ANKRD44: variants seen among roughly 807,000 people sequenced by gnomAD.
The protein encoded by ANKRD44 is ankyrin repeat domain 44, also known as serine/threonine-protein phosphatase 6 regulatory ankyrin repeat subunit B.
A neutral mutation model predicts 116.0 loss-of-function variants in ANKRD44; 35 were observed. The observed-to-expected ratio is 0.30, with a 90% CI of 0.23 to 0.40. The LOEUF is 0.40. Ranked by LOEUF, ANKRD44 falls within the 10% of genes least tolerant of loss-of-function variation. The pLI is 1.00. For missense variants in ANKRD44, 1,014 were observed against 1,242.6 expected, an observed-to-expected ratio of 0.82 and a Z score of 2.77; for synonymous variants, 435 against 461.8, an observed-to-expected ratio of 0.94 and a Z score of 0.74.
chr2:196,979,498 G>C (rs1414416827), intron 21 of ANKRD44, among the ~76,000 whole-genome samples: 4 of 146,864 alleles, frequency 2.7e-5, no homozygotes, highest in Non-Finnish European at 6.0e-5. Flanking sequence ...GTGAGCATCA[G>C]CTATTTTTAC....
At chr2:197,205,441 A>G (rs2081184137) in intron 1 of ANKRD44, among the ~76,000 whole-genome samples, 1 of 152,096 alleles carries the variant, frequency 6.6e-6, no homozygotes, top group African/African-American at 2.4e-5. Flanking sequence ...TTTCAGAACA[A>G]CCTGGTGAGT....
chr2:197,171,694 C>A (rs1465836108), intron 2 of ANKRD44, among the ~76,000 whole-genome samples: 2 of 152,038 alleles, frequency 1.3e-5, no homozygotes, highest in Admixed American at 1.3e-4. Flanking sequence ...TTTGGGTGAT[C>A]GTCAAGTGTC....
intron 1 of ANKRD44, among the ~76,000 whole-genome samples, chr2:197,271,666 C>T (rs1288479381): frequency 6.6e-6 from 1 of 152,136 alleles, no homozygotes; most frequent in Admixed American, 6.6e-5. Context: ...GACAGGGTCT[C>T]GCTCTGTTGC....
intron 3 of ANKRD44, among the ~76,000 whole-genome samples, chr2:197,138,582 T>C (rs188326654): frequency 5.4e-4 from 83 of 152,324 alleles, no homozygotes; most frequent in Middle Eastern, 3.4e-3. Context: ...AACACAGCAT[T>C]TATCCCTTCA....
intron 3 of ANKRD44, among the ~76,000 whole-genome samples, chr2:197,140,981 T>A (rs1346317543): frequency 6.6e-6 from 1 of 152,008 alleles, no homozygotes; most frequent in East Asian, 1.9e-4. Context: ...TTTTGGGAGG[T>A]CGAGGTGGGC....
At chr2:197,199,256 C>T (rs897458208) in intron 1 of ANKRD44, 9 of 152,138 alleles carry the variant, frequency 5.9e-5, no homozygotes, top group African/African-American at 2.2e-4. Flanking sequence ...AAGAACAAAA[C>T]AAGTATACCT....
chr2:197,068,830 A>T (rs912717137), intron 16 of ANKRD44, among the ~76,000 whole-genome samples: 22 of 152,196 alleles, frequency 1.4e-4, no homozygotes, highest in African/African-American at 5.1e-4. Context: ...AGAAATAAGA[A>T]CACTTTTACA....
intron 22 of ANKRD44, among the ~76,000 whole-genome samples, chr2:197,000,819 C>T (rs1187941613): frequency 1.3e-5 from 2 of 152,152 alleles, no homozygotes; most frequent in Admixed American, 6.5e-5. Context: ...GCAGGTGGAT[C>T]ATGAGGTCAG....
chr2:197,017,922 G>A (rs1574284532), intron 17 of ANKRD44, among the ~76,000 whole-genome samples: 1 of 152,230 alleles, frequency 6.6e-6, no homozygotes, highest in East Asian at 1.9e-4. Flanking sequence ...ACAGGGAAGT[G>A]TCTGCTGAAA....
intron 2 of ANKRD44, among the ~76,000 whole-genome samples, chr2:197,176,949 A>G (rs535290419): frequency 1.3e-5 from 2 of 152,212 alleles, no homozygotes; most frequent in South Asian, 4.1e-4. Context: ...ATACATCTAC[A>G]AACTTACAGT....
chr2:197,078,904 A>G, intron 15 of ANKRD44, 90 bp from the exon 16 acceptor site: 1 of 1,327,770 alleles, frequency 7.5e-7, no homozygotes, highest in South Asian at 1.4e-5. Flanking sequence ...CGAACGTTCC[A>G]TGAAGTACTT....
At chr2:197,234,298 C>T (rs1428777221) in intron 1 of ANKRD44, among the ~76,000 whole-genome samples, 1 of 151,588 alleles carries the variant, frequency 6.6e-6, no homozygotes, top group African/African-American at 2.4e-5. Context: ...CTCAATTGAT[C>T]CTCCCACCTC....
intron 17 of ANKRD44, 97 bp from the exon 18 acceptor site, chr2:197,013,809 A>G: frequency 8.1e-7 from 1 of 1,227,558 alleles, no homozygotes; most frequent in Non-Finnish European, 1.2e-6. Context: ...CCATGGATAG[A>G]GACCACTCCC....
chr2:197,151,033 G>A (rs1206710158), intron 2 of ANKRD44, among the ~76,000 whole-genome samples: 1 of 151,040 alleles, frequency 6.6e-6, no homozygotes, highest in Non-Finnish European at 1.5e-5. Context: ...CTGCCCTCAT[G>A]TGGTTTAGAG....
At chr2:197,140,569 T>C (rs1350271348) in intron 3 of ANKRD44, among the ~76,000 whole-genome samples, 1 of 152,012 alleles carries the variant, frequency 6.6e-6, no homozygotes, top group South Asian at 2.1e-4. Flanking sequence ...GATCCTCCTA[T>C]TTCAGCCTTC....
intron 16 of ANKRD44, among the ~76,000 whole-genome samples, chr2:197,058,672 C>T (rs4850411): frequency 0.92 from 139,378 of 152,200 alleles, 64,159 homozygotes; most frequent in East Asian, 1. Flanking sequence ...AGTCTGTATC[C>T]AAGATAAAAA....
intron 1 of ANKRD44, among the ~76,000 whole-genome samples, chr2:197,305,106 G>A (rs540691312): frequency 3.9e-4 from 60 of 152,234 alleles, no homozygotes; most frequent in Non-Finnish European, 7.2e-4. Context: ...GGATAAAAAT[G>A]ATATAGTCAT....
intron 1 of ANKRD44, among the ~76,000 whole-genome samples, chr2:197,222,976 C>T (rs1217077209): frequency 1.3e-5 from 2 of 151,942 alleles, no homozygotes; most frequent in South Asian, 4.1e-4. Context: ...CCATGCCTGG[C>T]TACTTTTTGT....
intron 10 of ANKRD44, among the ~76,000 whole-genome samples, chr2:197,092,117 C>T (rs1307566326): frequency 6.6e-6 from 1 of 152,192 alleles, no homozygotes. Context: ...TCATAATAAA[C>T]AGCATCACCA....
Sources: allele counts gnomAD v4.1 joint callset (sites outside exome capture counted in the v4.1 genomes callset), GRCh38; gene constraint gnomAD v4.1.1; transcripts MANE v1.5; gene names NCBI Gene and HGNC (gene_info 2026-07-23, HGNC 2026-07-21).